Variants in TRAPPC8 observed in about 807,000 individuals in gnomAD.
TRAPPC8 encodes trafficking protein particle complex subunit 8, also known as general sporulation gene 1 homolog.
Under a neutral mutation model 174.3 loss-of-function variants are expected in TRAPPC8, and 54 were observed. The observed-to-expected ratio is 0.31, with a 90% CI of 0.25 to 0.39. The LOEUF (loss-of-function observed/expected upper bound fraction) is 0.39. Among genes scored for constraint, TRAPPC8 ranks in the 10% least tolerant of loss-of-function variants. TRAPPC8 has a pLI of 1.00. For missense variants in TRAPPC8, 1,531 were observed against 1,699.1 expected (o/e 0.90, Z 1.74); for synonymous variants, 630 against 579.9 (o/e 1.09, Z -1.24).
intron 27 of TRAPPC8, among the ~76,000 whole-genome samples, chr18:31,834,893 C>T (rs2032618001): frequency 6.6e-6 from 1 of 152,134 alleles, no homozygotes; most frequent in African/African-American, 2.4e-5. Flanking sequence ...ATTAAGAATG[C>T]TTCCTTATAT....
At chr18:31,888,559 C>T (rs905734310) in intron 12 of TRAPPC8, among the ~76,000 whole-genome samples, 2 of 152,136 alleles carry the variant, frequency 1.3e-5, no homozygotes, top group Non-Finnish European at 2.9e-5. Flanking sequence ...GTGGTACATA[C>T]ATACACACAA....
At chr18:31,902,773 A>G (rs569405202) in intron 9 of TRAPPC8, among the ~76,000 whole-genome samples, 11 of 152,080 alleles carry the variant, frequency 7.2e-5, no homozygotes, top group South Asian at 6.2e-4. Context: ...CCTACTGGCC[A>G]GGCGCGGTGG....
intron 5 of TRAPPC8, among the ~76,000 whole-genome samples, chr18:31,911,112 T>C (rs183849758): frequency 4.0e-4 from 61 of 152,340 alleles, no homozygotes; most frequent in African/African-American, 1.5e-3. Context: ...AAACAATACT[T>C]ATATCAGAAG....
intron 28 of TRAPPC8, among the ~76,000 whole-genome samples, chr18:31,831,416 G>T (rs2032360486): frequency 6.6e-6 from 1 of 152,074 alleles, no homozygotes; most frequent in Non-Finnish European, 1.5e-5. Flanking sequence ...GAAGCCAACT[G>T]TTTATTAATA....
intron 12 of TRAPPC8, among the ~76,000 whole-genome samples, chr18:31,877,784 G>A (rs374022303): frequency 4.6e-5 from 7 of 151,856 alleles, no homozygotes; most frequent in African/African-American, 1.7e-4. Flanking sequence ...TTAGCCAGGC[G>A]TGGTGGCGCG....
chr18:31,923,231 T>C (rs2037465068), intron 2 of TRAPPC8, among the ~76,000 whole-genome samples: 1 of 152,134 alleles, frequency 6.6e-6, no homozygotes, highest in African/African-American at 2.4e-5. Flanking sequence ...TAGACCTTCC[T>C]CATTTTAGAA....
At chr18:31,843,682 G>A (rs569995615) in intron 26 of TRAPPC8, among the ~76,000 whole-genome samples, 1 of 152,140 alleles carries the variant, frequency 6.6e-6, no homozygotes, top group South Asian at 2.1e-4. Flanking sequence ...TAATTACCAA[G>A]TACTTATTAT....
intron 12 of TRAPPC8, among the ~76,000 whole-genome samples, chr18:31,887,589 T>C (rs1006038326): frequency 6.2e-5 from 9 of 145,244 alleles, no homozygotes; most frequent in Admixed American, 3.6e-4. Context: ...GAGGTTGCAG[T>C]GAGCCGAGAT....
intron 19 of TRAPPC8, among the ~76,000 whole-genome samples, chr18:31,861,754 T>C (rs891455994): frequency 4.0e-5 from 6 of 151,816 alleles, no homozygotes; most frequent in African/African-American, 1.2e-4. Flanking sequence ...CTGGGCAACG[T>C]AGTGAAACCA....
rs769624136 is a variant in TRAPPC8 at position 31,900,971 on chromosome 18, C to A, written c.1444G>T (p.Ala482Ser). 2.5e-6 allele frequency: 4 copies of A among 1,592,312 alleles called. No individual in the cohort carries two copies. In the African/African-American group the frequency reaches 4.1e-5, roughly 16 times the overall value. ...TGAATTGCTGTATCCATGTAATGAG[C>A]AGGATATGGCCTAGGTGCTCCTGGT... ...LQPGAPRPYP[A>S]HYMDTAIQTY... The change falls in exon 10 of 29, where the codon GCT (alanine) becomes TCT (serine). Residue 482 changes from alanine (A) to serine (S), a missense_variant. Physicochemically the swap from Ala to Ser is moderately conservative, Grantham distance 99. Transcript: ENST00000283351.
chr18:31,898,029 T>C (rs2036255682), intron 10 of TRAPPC8, 138 bp from the exon 11 acceptor site: 1 of 616,120 alleles, frequency 1.6e-6, no homozygotes, highest in African/African-American at 1.9e-5. Flanking sequence ...TCCAGGATAC[T>C]AAAATCCAAG....
At chr18:31,939,060 G>C (rs2038218518) in intron 1 of TRAPPC8, among the ~76,000 whole-genome samples, 1 of 129,764 alleles carries the variant, frequency 7.7e-6, no homozygotes, top group South Asian at 2.7e-4. Context: ...CTCCAGCCTG[G>C]TGACAGAGCG....
intron 6 of TRAPPC8, among the ~76,000 whole-genome samples, chr18:31,909,339 G>A (rs939656321): frequency 2.0e-5 from 3 of 151,872 alleles, no homozygotes; most frequent in African/African-American, 7.2e-5. Context: ...AAAAAAATTT[G>A]TTATCATTAC....
chr18:31,911,603 G>A (rs1425957000), intron 5 of TRAPPC8, among the ~76,000 whole-genome samples: 2 of 151,384 alleles, frequency 1.3e-5, no homozygotes, highest in African/African-American at 4.9e-5. Context: ...GCCAGGCGTG[G>A]TGGCGGGCGC....
chr18:31,849,864 C>A, intron 24 of TRAPPC8, 125 bp from the exon 25 acceptor site: 1 of 776,840 alleles, frequency 1.3e-6, no homozygotes, highest in South Asian at 2.8e-5. Flanking sequence ...CTTATACATA[C>A]CCAAAATACT....
At position 31,894,540 on chromosome 18, in the gene TRAPPC8, G is replaced by C. The variant is rs185160972; in HGVS notation, c.1596+3246C>G. On this transcript the variant is annotated intron_variant, in intron 11 of 28. Transcript: ENST00000283351. ...CTATGAAAATTCTCCACAACCAAGA[G>C]ATAATTTTAACAAAAGATAAAAAGA... Among the ~76,000 whole-genome samples, 496 of 151,748 alleles carry C rather than the reference G, an allele frequency of 3.3e-3. 3 individuals carry two copies. Among genetic ancestry groups the C allele is most frequent in the Middle Eastern group, 6.8e-3 (2 of 294 alleles).
At chr18:31,926,956 G>A (rs539113746) in intron 2 of TRAPPC8, among the ~76,000 whole-genome samples, 17 of 152,132 alleles carry the variant, frequency 1.1e-4, no homozygotes, top group Non-Finnish European at 1.6e-4. Flanking sequence ...AACTTATTAC[G>A]CCATAGACAG....
intron 9 of TRAPPC8, among the ~76,000 whole-genome samples, chr18:31,903,113 C>A (rs550124775): frequency 1.4e-3 from 122 of 90,350 alleles, no homozygotes; most frequent in African/African-American, 4.2e-3. Context: ...TGCGCGCGTG[C>A]GTGCGTGCGT....
Position 31,859,389 on chromosome 18 carries a change from T to C in TRAPPC8, c.2746-1407A>G, listed in dbSNP as rs537520911. Among the ~76,000 whole-genome samples the C allele has an allele frequency of 2.0e-5, 3 of 152,216 alleles. No individual in the cohort carries two copies. The South Asian group carries it at 6.2e-4, about 32-fold the overall frequency. ...GTAGAAATCCCGCACATAGATTTAATAGGATAAAAAAATAAGCTAGACATA... is the reference window on the plus strand; with the variant it reads ...GTAGAAATCCCGCACATAGATTTAACAGGATAAAAAAATAAGCTAGACATA... On this transcript the variant is annotated intron_variant, in intron 19 of 28. Coordinates refer to ENST00000283351, the MANE Select transcript of TRAPPC8 (RefSeq NM_014939.5).
Sources: gnomAD v4.1 joint callset for allele counts (sites outside exome capture counted in the v4.1 genomes callset) on GRCh38, gnomAD v4.1.1 for gene constraint, MANE v1.5 for transcripts, NCBI Gene and HGNC (gene_info 2026-07-23, HGNC 2026-07-21) for gene names.